Variants in SNTB1 observed in about 807,000 individuals in gnomAD.
The protein encoded by SNTB1 is beta-1-syntrophin.
SNTB1 carries 36 observed loss-of-function variants against 48.9 expected under a neutral mutation model. The observed-to-expected ratio is 0.74, with a 90% CI of 0.56 to 0.97. The LOEUF is 0.97. Among genes scored for constraint, SNTB1 ranks in the 50% least tolerant of loss-of-function variants. The probability of loss-of-function intolerance (pLI) is 0.00; values close to 1 mark genes in which losing one functional copy is unlikely to be tolerated. For missense variants in SNTB1, 786 were observed against 703.4 expected, an observed-to-expected ratio of 1.12 and a Z score of -1.33; for synonymous variants, 299 against 294.6, an observed-to-expected ratio of 1.01 and a Z score of -0.15.
At chr8:120,779,627 C>A (rs1819797745) in intron 1 of SNTB1, among the ~76,000 whole-genome samples, 1 of 152,056 alleles carries the variant, frequency 6.6e-6, no homozygotes, top group Non-Finnish European at 1.5e-5. Flanking sequence ...CTGACTAGGA[C>A]AAAGGAAGAG....
chr8:120,663,514 C>A (rs1817625723), intron 2 of SNTB1, among the ~76,000 whole-genome samples: 1 of 152,090 alleles, frequency 6.6e-6, no homozygotes, highest in African/African-American at 2.4e-5. Context: ...ACCATGTTGA[C>A]CAGGCTGGTC....
intron 4 of SNTB1, among the ~76,000 whole-genome samples, chr8:120,560,980 C>T (rs1006606905): frequency 6.6e-6 from 1 of 151,886 alleles, no homozygotes; most frequent in East Asian, 1.9e-4. Context: ...CTCTTTCTAT[C>T]ACACAAAAAA....
At chr8:120,586,120 A>G (rs1816134500) in intron 3 of SNTB1, among the ~76,000 whole-genome samples, 1 of 152,246 alleles carries the variant, frequency 6.6e-6, no homozygotes. Flanking sequence ...AGGTATACAA[A>G]GAGAAATCAC....
Position 120,581,870 on chromosome 8 carries a change from T to C in SNTB1, c.997-6645A>G, listed in dbSNP as rs560822689. Among the ~76,000 whole-genome samples the C allele has an allele frequency of 1.2e-4, 19 of 152,112 alleles. No individual in the cohort carries two copies. The Middle Eastern group carries it at 0.017, about 136-fold the overall frequency. On this transcript the variant is annotated intron_variant, in intron 3 of 6. Coordinates refer to ENST00000517992, the MANE Select transcript of SNTB1 (RefSeq NM_021021.4). ...AGCCTGGCCAACAAGATGAAATCTCTAGTAAAAATATAAAATTAGCCAGGC... is the reference window on the plus strand; with the variant it reads ...AGCCTGGCCAACAAGATGAAATCTCCAGTAAAAATATAAAATTAGCCAGGC...
At chr8:120,651,134 AATTGT>A (rs1300708733) in intron 2 of SNTB1, among the ~76,000 whole-genome samples, 1 of 152,148 alleles carries the variant, frequency 6.6e-6, no homozygotes, top group South Asian at 2.1e-4. Flanking sequence ...TGCACAATAA[AATTGT>A]ATTGTATTGG....
Position 120,575,107 on chromosome 8 carries a change from G to A in SNTB1, c.1115C>T (p.Thr372Ile). Residue 372 changes from threonine (T) to isoleucine (I), a missense_variant, in exon 4 of 7, where the codon ACA (threonine) becomes ATA (isoleucine). Transcript: ENST00000517992. Reference sequence around the variant, plus strand: ...CTACCTGGTGGCAAGAAGAGGGTATGTGTGAACTGGGCTGAACCAGGCTTC... The same window carrying A: ...CTACCTGGTGGCAAGAAGAGGGTATATGTGAACTGGGCTGAACCAGGCTTC... ...RKEAWFSPVH[T>I]YPLLATRLVH... is the part of the protein sequence containing the mutation. The A allele has an allele frequency of 6.2e-7, 1 of 1,614,188 alleles. No individual in the cohort carries two copies. Among genetic ancestry groups the A allele is most frequent in the Non-Finnish European group, 8.5e-7 (1 of 1,180,028 alleles).
At chr8:120,724,232 G>A (rs1265160204) in intron 1 of SNTB1, among the ~76,000 whole-genome samples, 2 of 152,230 alleles carry the variant, frequency 1.3e-5, no homozygotes, top group Non-Finnish European at 2.9e-5. Context: ...GCCAGTCCCA[G>A]CTCTTGTACA....
chr8:120,725,254 A>G (rs1047601723), intron 1 of SNTB1, among the ~76,000 whole-genome samples: 1 of 152,170 alleles, frequency 6.6e-6, no homozygotes, highest in Admixed American at 6.6e-5. Context: ...ATTCTGAACA[A>G]TTCTTCAAAT....
At chr8:120,593,530 CA>C (rs1034855019) in intron 3 of SNTB1, among the ~76,000 whole-genome samples, 1 of 151,822 alleles carries the variant, frequency 6.6e-6, no homozygotes, top group Admixed American at 6.6e-5. Flanking sequence ...TGGTGATGGA[CA>C]AAAGGAAGGA....
At chr8:120,628,564 C>T (rs1816923831) in intron 3 of SNTB1, among the ~76,000 whole-genome samples, 1 of 152,110 alleles carries the variant, frequency 6.6e-6, no homozygotes, top group African/African-American at 2.4e-5. Context: ...CGAGACCATC[C>T]TGGCCAACAG....
intron 3 of SNTB1, among the ~76,000 whole-genome samples, chr8:120,577,126 A>G (rs994420787): frequency 1.3e-5 from 2 of 152,224 alleles, no homozygotes; most frequent in Admixed American, 1.3e-4. Flanking sequence ...AACAATTTCA[A>G]TACCTTTTCT....
At chr8:120,652,771 C>A (rs1029668612) in intron 2 of SNTB1, among the ~76,000 whole-genome samples, 13 of 152,212 alleles carry the variant, frequency 8.5e-5, no homozygotes, top group African/African-American at 3.1e-4. Flanking sequence ...GCTTTGTGAC[C>A]TGATGTTAGT....
rs562459095 is a variant in SNTB1 at position 120,679,792 on chromosome 8, A to G, written c.788+13900T>C. On this transcript the variant is annotated intron_variant, in intron 2 of 6. Transcript: ENST00000517992. ...CCATGGCTTCAGACCCCTCCTAGAAAAAAGTTCAAGTTATAAAGTGGCTTA... is the reference window on the plus strand; with the variant it reads ...CCATGGCTTCAGACCCCTCCTAGAAGAAAGTTCAAGTTATAAAGTGGCTTA... Among the ~76,000 whole-genome samples, 121 of 152,220 alleles carry G rather than the reference A, an allele frequency of 7.9e-4. 1 individual carries two copies. The highest frequency in any genetic ancestry group is 3.4e-3 in the Middle Eastern group (1 of 294).
At chr8:120,730,726 G>A (rs559190258) in intron 1 of SNTB1, among the ~76,000 whole-genome samples, 50 of 152,294 alleles carry the variant, frequency 3.3e-4, no homozygotes, top group South Asian at 2.3e-3. Flanking sequence ...CTTCTGTAAA[G>A]TGGGAACAAT....
At chr8:120,576,271 G>A (rs1191352434) in intron 3 of SNTB1, among the ~76,000 whole-genome samples, 1 of 152,166 alleles carries the variant, frequency 6.6e-6, no homozygotes, top group Non-Finnish European at 1.5e-5. Context: ...AAGATTTAAT[G>A]TTGTCATAAT....
intron 1 of SNTB1, among the ~76,000 whole-genome samples, chr8:120,734,854 G>T (rs1345836007): frequency 2.6e-5 from 4 of 152,226 alleles, no homozygotes; most frequent in Non-Finnish European, 5.9e-5. Flanking sequence ...CCGGCTTAGA[G>T]ATTTCTGAGA....
intron 3 of SNTB1, among the ~76,000 whole-genome samples, chr8:120,603,350 T>G (rs1397455520): frequency 6.6e-6 from 1 of 152,224 alleles, no homozygotes; most frequent in Non-Finnish European, 1.5e-5. Context: ...TCCACCCGCC[T>G]TGGCCTCTGC....
rs190307407 is a variant in SNTB1 at position 120,555,770 on chromosome 8, G to A, written c.1137-6812C>T. Among the ~76,000 whole-genome samples, 136 of 152,208 alleles carry A rather than the reference G, an allele frequency of 8.9e-4. 1 individual carries two copies. Among genetic ancestry groups the A allele is most frequent in the African/African-American group, 3.1e-3 (127 of 41,544 alleles). ...GGAGGTAATAAAGGTTAACTGAGGGGGTCCTAAGAGTGGGGCATTAATCCA... is the reference window on the plus strand; with the variant it reads ...GGAGGTAATAAAGGTTAACTGAGGGAGTCCTAAGAGTGGGGCATTAATCCA... On this transcript the variant is annotated intron_variant, in intron 4 of 6. Coordinates refer to ENST00000517992, the MANE Select transcript of SNTB1 (RefSeq NM_021021.4).
At chr8:120,652,371 A>C (rs1013274229) in intron 2 of SNTB1, among the ~76,000 whole-genome samples, 1 of 152,210 alleles carries the variant, frequency 6.6e-6, no homozygotes, top group Non-Finnish European at 1.5e-5. Context: ...ATTCCAGAAT[A>C]GAAAGTGATA....
Sources: gnomAD v4.1 joint callset for allele counts (sites outside exome capture counted in the v4.1 genomes callset) on GRCh38, gnomAD v4.1.1 for gene constraint, MANE v1.5 for transcripts, NCBI Gene and HGNC (gene_info 2026-07-23, HGNC 2026-07-21) for gene names.